MTUS2: variants seen among roughly 807,000 people sequenced by gnomAD.
MTUS2 encodes the protein microtubule-associated tumor suppressor candidate 2.
MTUS2 carries 40 observed loss-of-function variants against 114.1 expected under a neutral mutation model. The observed-to-expected ratio is 0.35, with a 90% CI of 0.27 to 0.46. The LOEUF is 0.46. MTUS2 is among the 20% of genes least tolerant of loss of function. MTUS2 has a pLI of 1.00. For missense variants in MTUS2, 1,679 were observed against 1,705.4 expected, an observed-to-expected ratio of 0.98 and a Z score of 0.27; for synonymous variants, 688 against 672.0, an observed-to-expected ratio of 1.02 and a Z score of -0.37.
At chr13:28,862,807 A>C (rs1044074223) in intron 2 of MTUS2, among the ~76,000 whole-genome samples, 13 of 152,186 alleles carry the variant, frequency 8.5e-5, no homozygotes, top group African/African-American at 2.9e-4. Context: ...GTAAAGGAAA[A>C]ATTAGAATAA....
At chr13:29,214,338 T>C (rs1376331365) in intron 5 of MTUS2, among the ~76,000 whole-genome samples, 1 of 152,210 alleles carries the variant, frequency 6.6e-6, no homozygotes, top group African/African-American at 2.4e-5. Flanking sequence ...GTCTTTTAAT[T>C]GGGGCATTTA....
At chr13:29,127,950 C>T (rs1453057286) in intron 5 of MTUS2, among the ~76,000 whole-genome samples, 2 of 152,200 alleles carry the variant, frequency 1.3e-5, no homozygotes, top group Non-Finnish European at 2.9e-5. Context: ...CTGAAAAGAA[C>T]CTATCCCTGC....
chr13:29,469,848 A>T (rs1470176892), intron 9 of MTUS2, among the ~76,000 whole-genome samples: 1 of 144,772 alleles, frequency 6.9e-6, no homozygotes, highest in African/African-American at 2.5e-5. Context: ...AGTTTTTTTA[A>T]AAAAAAAAGA....
At chr13:29,303,539 T>G (rs1272293067) in intron 6 of MTUS2, among the ~76,000 whole-genome samples, 1 of 152,074 alleles carries the variant, frequency 6.6e-6, no homozygotes, top group East Asian at 1.9e-4. Flanking sequence ...AGAATCTCAG[T>G]GCTTAAAGAT....
chr13:28,866,473 T>C (rs1168825509), intron 2 of MTUS2, among the ~76,000 whole-genome samples: 1 of 152,176 alleles, frequency 6.6e-6, no homozygotes, highest in Non-Finnish European at 1.5e-5. Context: ...TTTTTATTAT[T>C]GGTGCTTATG....
In MTUS2 at chr13:29,390,756, G is replaced by GTGATGATGA. The variant is rs71090251; in HGVS notation, c.3117+31318_3117+31326dup. On this transcript the variant is annotated intron_variant, in intron 8 of 15. Coordinates refer to ENST00000612955, the MANE Select transcript of MTUS2 (RefSeq NM_001033602.4). The stretch of plus-strand genomic sequence containing the variant: ...CAACTGCAGATAGTCCCACCAAATG[G>GTGATGATGA]TGATGATGATGATGATGATGATGAT... Among the ~76,000 whole-genome samples, 546 of 146,688 alleles carry GTGATGATGA rather than the reference G, an allele frequency of 3.7e-3. 2 individuals carry two copies. The highest frequency in any genetic ancestry group is 8.3e-3 in the East Asian group (40 of 4,836).
At chr13:29,492,830 A>G (rs1882287187) in intron 12 of MTUS2, 111 bp downstream of exon 12, 1 of 802,420 alleles carries the variant, frequency 1.2e-6, no homozygotes, top group Non-Finnish European at 2.0e-6. Flanking sequence ...TGTACTAAAC[A>G]ATAGAATATA....
intron 2 of MTUS2, among the ~76,000 whole-genome samples, chr13:28,896,648 A>G (rs1214848191): frequency 6.6e-6 from 1 of 152,228 alleles, no homozygotes; most frequent in East Asian, 1.9e-4. Flanking sequence ...CTGACTTCAA[A>G]CTATACTACA....
At chr13:28,834,722 A>G (rs1053561193) in intron 1 of MTUS2, among the ~76,000 whole-genome samples, 3 of 152,204 alleles carry the variant, frequency 2.0e-5, no homozygotes, top group Admixed American at 6.5e-5. Flanking sequence ...TATCATCAAG[A>G]AAGAGAAAAG....
chr13:28,923,191 T>A (rs1310688844), intron 2 of MTUS2, among the ~76,000 whole-genome samples: 3 of 152,226 alleles, frequency 2.0e-5, no homozygotes, highest in African/African-American at 7.2e-5. Context: ...TTAGAATTTT[T>A]AATTATTTGT....
chr13:28,874,853 T>A (rs1877837794), intron 2 of MTUS2, among the ~76,000 whole-genome samples: 1 of 152,230 alleles, frequency 6.6e-6, no homozygotes, highest in African/African-American at 2.4e-5. Flanking sequence ...CATCATTTAT[T>A]ATGAAAATTT....
rs145594368 is a variant in MTUS2 at position 28,996,545 on chromosome 13, G to A, written c.-242-27912G>A. ...TCTGGTCCTGGACTTTTTTTGGTTGGTAAGCTATTAATTATTGCCTGAATT... is the reference window on the plus strand; with the variant it reads ...TCTGGTCCTGGACTTTTTTTGGTTGATAAGCTATTAATTATTGCCTGAATT... On this transcript the variant is annotated intron_variant, in intron 2 of 15. Coordinates refer to ENST00000612955, the MANE Select transcript of MTUS2 (RefSeq NM_001033602.4). Among the ~76,000 whole-genome samples, 625 of 152,146 alleles carry A rather than the reference G, an allele frequency of 4.1e-3. 9 individuals carry two copies. Among genetic ancestry groups the A allele is most frequent in the African/African-American group, 0.014 (594 of 41,514 alleles).
At chr13:29,322,919 T>G (rs1357172661) in intron 6 of MTUS2, among the ~76,000 whole-genome samples, 1 of 152,172 alleles carries the variant, frequency 6.6e-6, no homozygotes, top group African/African-American at 2.4e-5. Flanking sequence ...ATTAAATGAT[T>G]GCTTAACTAA....
intron 9 of MTUS2, among the ~76,000 whole-genome samples, chr13:29,466,960 TA>T (rs920092803): frequency 2.3e-3 from 334 of 143,868 alleles, no homozygotes; most frequent in African/African-American, 7.6e-3. Flanking sequence ...TTTGACAACC[TA>T]AAAAAAAAAG....
intron 11 of MTUS2, chr13:29,489,651 G>A (rs1679513546): frequency 6.6e-6 from 1 of 152,182 alleles, no homozygotes; most frequent in South Asian, 2.1e-4. Flanking sequence ...TAATTGCTCT[G>A]GGGTGCAGCC....
intron 7 of MTUS2, among the ~76,000 whole-genome samples, chr13:29,325,624 T>C (rs1900477239): frequency 1.3e-5 from 2 of 152,224 alleles, no homozygotes; most frequent in South Asian, 2.1e-4. Context: ...AAGACATTCA[T>C]GCCATTGTAG....
At chr13:28,882,503 G>T (rs187227307) in intron 2 of MTUS2, among the ~76,000 whole-genome samples, 60 of 152,250 alleles carry the variant, frequency 3.9e-4, no homozygotes, top group Non-Finnish European at 8.2e-4. Flanking sequence ...TCAGGGGCTG[G>T]GGTGGGAGGA....
intron 5 of MTUS2, among the ~76,000 whole-genome samples, chr13:29,181,649 G>A (rs542813851): frequency 2.0e-5 from 3 of 151,742 alleles, no homozygotes; most frequent in African/African-American, 2.4e-5. Flanking sequence ...ACTTTTACTC[G>A]GTTACCAGGG....
At chr13:29,221,020 T>C (rs1192775535) in intron 5 of MTUS2, among the ~76,000 whole-genome samples, 2 of 152,174 alleles carry the variant, frequency 1.3e-5, no homozygotes, top group Non-Finnish European at 2.9e-5. Flanking sequence ...ACAATAGAGG[T>C]GTGAATATCC....
Sources: gnomAD v4.1 joint callset for allele counts (sites outside exome capture counted in the v4.1 genomes callset) on GRCh38, gnomAD v4.1.1 for gene constraint, MANE v1.5 for transcripts, NCBI Gene and HGNC (gene_info 2026-07-23, HGNC 2026-07-21) for gene names.